Variants in CTNNA2 observed in about 807,000 individuals in gnomAD.
The protein encoded by CTNNA2 is catenin alpha-2.
In CTNNA2, 42 loss-of-function variants were observed where a neutral mutation model predicts 101.0. The observed-to-expected ratio is 0.42, with a 90% CI of 0.32 to 0.54. CTNNA2 has a LOEUF of 0.54. Ranked by LOEUF, CTNNA2 falls within the 20% of genes least tolerant of loss-of-function variation. The probability of loss-of-function intolerance (pLI) is 0.14; values close to 1 mark genes in which losing one functional copy is unlikely to be tolerated. For synonymous variants in CTNNA2, 450 were observed against 456.4 expected (o/e 0.99, Z 0.18); for missense variants, 871 against 1,223.1 (o/e 0.71, Z 4.29).
At chr2:79,996,718 A>G (rs994080164) in intron 7 of CTNNA2, among the ~76,000 whole-genome samples, 2 of 152,186 alleles carry the variant, frequency 1.3e-5, no homozygotes, top group African/African-American at 4.8e-5. Flanking sequence ...TTCTTTTTAC[A>G]AATACCTGTG....
At chr2:79,626,392 G>A (rs966454434) in intron 1 of CTNNA2, among the ~76,000 whole-genome samples, 2 of 151,940 alleles carry the variant, frequency 1.3e-5, no homozygotes, top group African/African-American at 4.8e-5. Flanking sequence ...AAGTGAGAGG[G>A]GTATGTTTTT....
At chr2:80,214,661 C>A (rs2149042597) in intron 7 of CTNNA2, among the ~76,000 whole-genome samples, 1 of 152,232 alleles carries the variant, frequency 6.6e-6, no homozygotes, top group Admixed American at 6.5e-5. Context: ...TTGTGGGTAA[C>A]CCGACCTCTC....
intron 9 of CTNNA2, among the ~76,000 whole-genome samples, chr2:80,435,934 T>G (rs761466877): frequency 4.6e-5 from 7 of 152,196 alleles, no homozygotes; most frequent in Non-Finnish European, 7.3e-5. Flanking sequence ...CCTTAACTCC[T>G]GCAATACATT....
At chr2:79,982,197 T>TATAA (rs1691329812) in intron 7 of CTNNA2, among the ~76,000 whole-genome samples, 1 of 12,118 alleles carries the variant, frequency 8.3e-5, no homozygotes, top group South Asian at 1.7e-3. Context: ...TGCCACTATA[T>TATAA]ATATATATAT....
At chr2:79,198,126 G>A (rs933199133) in intron 2 of CTNNA2, 7 of 152,084 alleles carry the variant, frequency 4.6e-5, no homozygotes, top group Non-Finnish European at 8.8e-5. Flanking sequence ...ATTCAGATAT[G>A]TTAACAAACC....
At chr2:80,323,225 T>A (rs1384117830) in intron 7 of CTNNA2, among the ~76,000 whole-genome samples, 2 of 152,170 alleles carry the variant, frequency 1.3e-5, no homozygotes, top group Non-Finnish European at 2.9e-5. Context: ...TGGTTTTGAC[T>A]TGTTAGACAC....
At chr2:79,557,831 T>G (rs758234234) in intron 1 of CTNNA2, among the ~76,000 whole-genome samples, 2 of 152,008 alleles carry the variant, frequency 1.3e-5, no homozygotes, top group Non-Finnish European at 2.9e-5. Context: ...TGACATCTAT[T>G]ATTTTTGTCA....
At chr2:79,369,336 A>G (rs975335221) in intron 3 of CTNNA2, among the ~76,000 whole-genome samples, 4 of 152,136 alleles carry the variant, frequency 2.6e-5, no homozygotes, top group African/African-American at 7.2e-5. Context: ...GAACATGCAC[A>G]CTGAGCTTCC....
intron 7 of CTNNA2, among the ~76,000 whole-genome samples, chr2:80,208,904 C>T (rs1021830629): frequency 2.6e-5 from 4 of 152,172 alleles, no homozygotes; most frequent in Non-Finnish European, 5.9e-5. Context: ...GCCACCTCTA[C>T]TGTGTGACTT....
chr2:79,718,824 G>GTTTTT (rs759268135), intron 2 of CTNNA2, among the ~76,000 whole-genome samples: 1 of 140,264 alleles, frequency 7.1e-6, no homozygotes, highest in Non-Finnish European at 1.6e-5. Context: ...TTTCCCACTT[G>GTTTTT]TTTTTTTTTT....
chr2:79,799,671 A>T (rs1325335784), intron 3 of CTNNA2, among the ~76,000 whole-genome samples: 2 of 152,144 alleles, frequency 1.3e-5, no homozygotes, highest in Non-Finnish European at 2.9e-5. Context: ...TAGGCTTTAA[A>T]TTTTTTCTTA....
chr2:79,770,169 C>T (rs1673471750), intron 3 of CTNNA2, among the ~76,000 whole-genome samples: 1 of 152,112 alleles, frequency 6.6e-6, no homozygotes, highest in Admixed American at 6.6e-5. Flanking sequence ...TCCTGCAATG[C>T]ACAGGACAGC....
chr2:80,161,157 AG>A (rs1456541825), intron 7 of CTNNA2, among the ~76,000 whole-genome samples: 1 of 152,086 alleles, frequency 6.6e-6, no homozygotes, highest in East Asian at 1.9e-4. Flanking sequence ...CTAGAATTAC[AG>A]GCGCATGCCA....
chr2:79,297,178 A>ATTTG lies in CTNNA2; in HGVS notation c.-405-15507_-405-15504dup, dbSNP rs147594060. Among the ~76,000 whole-genome samples, 62 of 151,450 alleles carry ATTTG rather than the reference A, an allele frequency of 4.1e-4. 1 individual carries two copies. The highest frequency in any genetic ancestry group is 1.5e-3 in the East Asian group (8 of 5,162). ...TTGATTTTTGATTTTTTGGTTTGTCATTTGTTTGTTTGTTTGTTTGTTTGT... is the reference window on the plus strand; with the variant it reads ...TTGATTTTTGATTTTTTGGTTTGTCATTTGTTTGTTTGTTTGTTTGTTTGTTTGT... On this transcript the variant is annotated intron_variant, in intron 2 of 21. Transcript: ENST00000466387.
intron 2 of CTNNA2, among the ~76,000 whole-genome samples, chr2:79,296,339 A>G (rs998651172): frequency 6.6e-6 from 1 of 152,120 alleles, no homozygotes; most frequent in Non-Finnish European, 1.5e-5. Flanking sequence ...AACTTTGCAA[A>G]CTTTTCAAAG....
At chr2:80,293,271 C>T (rs1675424383) in intron 7 of CTNNA2, among the ~76,000 whole-genome samples, 1 of 152,178 alleles carries the variant, frequency 6.6e-6, no homozygotes, top group South Asian at 2.1e-4. Flanking sequence ...CAGACTAATC[C>T]AGCTCTGTGT....
intron 18 of CTNNA2, among the ~76,000 whole-genome samples, chr2:80,633,261 G>A (rs750520835): frequency 2.1e-4 from 32 of 152,092 alleles, no homozygotes; most frequent in Non-Finnish European, 2.4e-4. Context: ...TAACGTTTAG[G>A]GATAAGGAGA....
rs540652414 is a variant in CTNNA2, at chr2:80,141,655, G to A, written c.1056+231858G>A. On this transcript the variant is annotated intron_variant, in intron 7 of 18. Transcript: ENST00000402739. ...GAGTTCCACCAGTGAGATGGAGCAG[G>A]GATCACTCTTAGGGGTCTGCAAGGC... Among the ~76,000 whole-genome samples, 20 of 152,062 alleles carry A rather than the reference G, an allele frequency of 1.3e-4. No homozygotes were observed. In the South Asian group the frequency reaches 3.9e-3, roughly 30 times the overall value.
At chr2:79,865,146 T>G (rs1681940318) in intron 4 of CTNNA2, among the ~76,000 whole-genome samples, 1 of 152,182 alleles carries the variant, frequency 6.6e-6, no homozygotes, top group South Asian at 2.1e-4. Context: ...TAGCATGTAA[T>G]CATTCTTTGC....
Sources: allele counts gnomAD v4.1 joint callset (sites outside exome capture counted in the v4.1 genomes callset), GRCh38; gene constraint gnomAD v4.1.1; transcripts MANE v1.5; gene names NCBI Gene and HGNC (gene_info 2026-07-23, HGNC 2026-07-21).